PDS5A: variants seen among roughly 807,000 people sequenced by gnomAD.
PDS5A encodes PDS5 cohesin associated factor A.
Under a neutral mutation model 167.1 loss-of-function variants are expected in PDS5A, and 42 were observed. The observed-to-expected ratio is 0.25, with a 90% CI of 0.20 to 0.33. The LOEUF (loss-of-function observed/expected upper bound fraction) is 0.33, where lower values mean the gene tolerates loss of function less well. PDS5A is among the 10% of genes least tolerant of loss of function. The pLI is 1.00. For missense variants in PDS5A, 1,033 were observed against 1,605.9 expected (o/e 0.64, Z 6.10); for synonymous variants, 553 against 554.6 (o/e 1.00, Z 0.04).
intron 2 of PDS5A, among the ~76,000 whole-genome samples, chr4:39,957,854 G>A (rs1202799904): frequency 6.6e-6 from 1 of 151,798 alleles, no homozygotes; most frequent in East Asian, 1.9e-4. Context: ...CTGGACATGA[G>A]GCTAAAAAAA....
chr4:39,925,179 A>C (rs1250197024), intron 5 of PDS5A, among the ~76,000 whole-genome samples: 2 of 152,124 alleles, frequency 1.3e-5, no homozygotes, highest in African/African-American at 2.4e-5. Context: ...CACAAAAAAA[A>C]CCAAACCAAA....
At chr4:39,928,826 A>T (rs989754240) in intron 2 of PDS5A, among the ~76,000 whole-genome samples, 7 of 61,132 alleles carry the variant, frequency 1.1e-4, no homozygotes, top group Non-Finnish European at 2.2e-4. Context: ...CACTGTCTTT[A>T]AAAAAAAAAA....
intron 16 of PDS5A, among the ~76,000 whole-genome samples, chr4:39,892,117 A>G (rs1480149709): frequency 6.6e-6 from 1 of 151,166 alleles, no homozygotes; most frequent in African/African-American, 2.4e-5. Context: ...AAAAACAAAA[A>G]AAAGTTAACT....
intron 18 of PDS5A, among the ~76,000 whole-genome samples, chr4:39,879,002 A>G (rs965640721): frequency 1.3e-5 from 2 of 152,202 alleles, no homozygotes; most frequent in Admixed American, 6.5e-5. Context: ...TCGGCCTCCC[A>G]AAGTGCTGGG....
At chr4:39,882,826 T>C (rs771425168) in intron 17 of PDS5A, among the ~76,000 whole-genome samples, 1 of 152,126 alleles carries the variant, frequency 6.6e-6, no homozygotes, top group Non-Finnish European at 1.5e-5. Context: ...TAATATATAT[T>C]TCACAGGGCT....
chr4:39,899,114 T>C (rs950064695), intron 14 of PDS5A, among the ~76,000 whole-genome samples: 5 of 152,066 alleles, frequency 3.3e-5, no homozygotes, highest in African/African-American at 7.2e-5. Context: ...TGCCAGAAGA[T>C]TGAAAAAAGA....
At chr4:39,835,525 GTCTT>G (rs1716305944) in intron 32 of PDS5A, among the ~76,000 whole-genome samples, 1 of 152,054 alleles carries the variant, frequency 6.6e-6, no homozygotes, top group Non-Finnish European at 1.5e-5. Context: ...CCGTTTTTTT[GTCTT>G]TCTGTTTTTT....
intron 2 of PDS5A, among the ~76,000 whole-genome samples, chr4:39,961,357 G>A (rs1338194412): frequency 1.3e-5 from 2 of 151,950 alleles, no homozygotes; most frequent in Non-Finnish European, 2.9e-5. Context: ...GAAGGGTAGT[G>A]GCGCCATCTC....
At chr4:39,959,297 CTT>C (rs1366660515) in intron 2 of PDS5A, among the ~76,000 whole-genome samples, 1 of 152,128 alleles carries the variant, frequency 6.6e-6, no homozygotes, top group Non-Finnish European at 1.5e-5. Context: ...ATGTTTATCT[CTT>C]TTTAAATTTT....
chr4:39,942,617 G>C (rs932570862), intron 2 of PDS5A, among the ~76,000 whole-genome samples: 1 of 151,962 alleles, frequency 6.6e-6, no homozygotes, highest in Non-Finnish European at 1.5e-5. Context: ...TGTAAAGACC[G>C]GTTTTGCCAT....
intron 17 of PDS5A, among the ~76,000 whole-genome samples, chr4:39,886,291 T>C (rs1163658352): frequency 1.3e-5 from 2 of 152,208 alleles, no homozygotes; most frequent in South Asian, 4.1e-4. Context: ...GCTTTGGCTA[T>C]TTGAGTCTTT....
At chr4:39,865,858 C>T (rs1354896501) in intron 23 of PDS5A, among the ~76,000 whole-genome samples, 1 of 152,214 alleles carries the variant, frequency 6.6e-6, no homozygotes, top group Non-Finnish European at 1.5e-5. Flanking sequence ...AGGAATGCAT[C>T]ATATGTAGAA....
At position 39,869,378 on chromosome 4, in the gene PDS5A, G is replaced by A; in HGVS notation, c.2505+16C>T. 6.8e-7 allele frequency: 1 copy of A among 1,466,890 alleles called. No individual in the cohort carries two copies. The highest frequency in any genetic ancestry group is 9.5e-7 in the Non-Finnish European group (1 of 1,048,066). 90.9% of individuals were successfully genotyped at this position (1,466,890 alleles called of 1,614,324 possible). A position where few individuals can be genotyped will look rare whatever the true frequency, so the allele number is the denominator to read the frequency against. On this transcript the variant is annotated intron_variant, in intron 22 of 32. Coordinates refer to ENST00000303538, the MANE Select transcript of PDS5A (RefSeq NM_001100399.2). ...TTTTTTAAACATGAAGATTATCAAG[G>A]CCTAAACAAATTTACCTTTGCTAGT...
At chr4:39,968,169 G>A (rs1730162601) in intron 2 of PDS5A, among the ~76,000 whole-genome samples, 1 of 151,720 alleles carries the variant, frequency 6.6e-6, no homozygotes, top group Non-Finnish European at 1.5e-5. Flanking sequence ...GCCCAAGCTG[G>A]TCTCAAACTC....
At chr4:39,897,808 T>A (rs1453581956) in intron 16 of PDS5A, among the ~76,000 whole-genome samples, 2 of 151,052 alleles carry the variant, frequency 1.3e-5, no homozygotes, top group East Asian at 3.9e-4. Context: ...AACGCTGTAG[T>A]GAACTATGAT....
At chr4:39,889,112 A>T (rs1436572775) in intron 17 of PDS5A, among the ~76,000 whole-genome samples, 1 of 152,222 alleles carries the variant, frequency 6.6e-6, no homozygotes, top group East Asian at 1.9e-4. Context: ...AGGGCCTTTA[A>T]AGAGATAATC....
intron 18 of PDS5A, 70 bp from the exon 19 acceptor site, chr4:39,877,223 G>A (rs1049208149): frequency 4.3e-5 from 41 of 959,510 alleles, no homozygotes; most frequent in South Asian, 1.3e-4. Context: ...ATTACTTCCC[G>A]CAAAAGAAAA....
intron 29 of PDS5A, among the ~76,000 whole-genome samples, chr4:39,845,268 A>G (rs1380619062): frequency 6.6e-6 from 1 of 152,212 alleles, no homozygotes; most frequent in East Asian, 1.9e-4. Context: ...CAAAAGTCAT[A>G]AGCATATCTC....
chr4:39,958,731 C>A (rs937759416), intron 2 of PDS5A, among the ~76,000 whole-genome samples: 3 of 151,692 alleles, frequency 2.0e-5, no homozygotes, highest in African/African-American at 7.3e-5. Flanking sequence ...TCTTGTGCCT[C>A]CTGAGTAGTT....
Sources: allele counts gnomAD v4.1 joint callset (sites outside exome capture counted in the v4.1 genomes callset), GRCh38; gene constraint gnomAD v4.1.1; transcripts MANE v1.5; gene names NCBI Gene and HGNC (gene_info 2026-07-23, HGNC 2026-07-21).